ABCA12: variants seen among roughly 807,000 people sequenced by gnomAD.
ABCA12 encodes ATP binding cassette subfamily A member 12.
ABCA12 carries 156 observed loss-of-function variants against 293.5 expected under a neutral mutation model. The observed-to-expected ratio is 0.53, with a 90% CI of 0.47 to 0.61. The LOEUF (loss-of-function observed/expected upper bound fraction) is 0.61, where lower values mean the gene tolerates loss of function less well. Among genes scored for constraint, ABCA12 ranks in the 20% least tolerant of loss-of-function variants. The probability of loss-of-function intolerance (pLI) is 0.00; values close to 1 mark genes in which losing one functional copy is unlikely to be tolerated. For missense variants in ABCA12, 2,797 were observed against 3,090.2 expected, an observed-to-expected ratio of 0.91 and a Z score of 2.25; for synonymous variants, 1,063 against 1,108.0, an observed-to-expected ratio of 0.96 and a Z score of 0.81.
intron 39 of ABCA12, among the ~76,000 whole-genome samples, chr2:214,966,059 A>C (rs1207093011): frequency 1.3e-5 from 2 of 152,302 alleles, no homozygotes; most frequent in East Asian, 3.9e-4. Context: ...GCAGCCATAA[A>C]AAGGAACGAG....
intron 2 of ABCA12, among the ~76,000 whole-genome samples, chr2:215,083,721 T>G (rs1701987153): frequency 6.6e-6 from 1 of 152,012 alleles, no homozygotes; most frequent in Admixed American, 6.6e-5. Flanking sequence ...TTCAGATGGG[T>G]ATACCAAGGC....
At chr2:215,101,905 T>C (rs1261475686) in intron 2 of ABCA12, among the ~76,000 whole-genome samples, 1 of 152,176 alleles carries the variant, frequency 6.6e-6, no homozygotes, top group Non-Finnish European at 1.5e-5. Flanking sequence ...GTGGAAGTCT[T>C]AACTCCAGAA....
intron 1 of ABCA12, among the ~76,000 whole-genome samples, chr2:215,126,300 C>T (rs1480396768): frequency 6.6e-6 from 1 of 152,070 alleles, no homozygotes; most frequent in African/African-American, 2.4e-5. Flanking sequence ...TAAGATGATG[C>T]TGACTTCATA....
chr2:215,019,685 T>C lies in ABCA12; in HGVS notation c.1399A>G (p.Ser467Gly). Residue 467 changes from serine to glycine, a missense_variant, in exon 12 of 53, where the codon AGT becomes GGT. Ser to Gly is a moderately conservative substitution (Grantham distance 56). This residue lies in a region of ABCA12 where 656 missense variants were observed against 638.2 expected (regional missense o/e 1.03). Transcript: ENST00000272895. Reference protein sequence around the residue: ...DMSFGSLCEESEFDLQLLEAA... With the variant: ...DMSFGSLCEEGEFDLQLLEAA... ...TCGAGGAGTTGCAGATCAAACTCACTTTCTTCACACAGGCTCCCAAAGCTC... is the reference window on the plus strand; with the variant it reads ...TCGAGGAGTTGCAGATCAAACTCACCTTCTTCACACAGGCTCCCAAAGCTC... 6.2e-7 allele frequency: 1 copy of C among 1,614,176 alleles called. No individual in the cohort carries two copies. The highest frequency in any genetic ancestry group is 8.5e-7 in the Non-Finnish European group (1 of 1,180,024).
chr2:215,062,927 G>A (rs1307785034), intron 3 of ABCA12, among the ~76,000 whole-genome samples: 1 of 151,968 alleles, frequency 6.6e-6, no homozygotes, highest in Admixed American at 6.6e-5. Context: ...AATGCAAAAA[G>A]GATAGAGAAA....
At chr2:215,128,300 T>A (rs1245477385) in intron 1 of ABCA12, among the ~76,000 whole-genome samples, 2 of 152,214 alleles carry the variant, frequency 1.3e-5, no homozygotes, top group African/African-American at 4.8e-5. Flanking sequence ...TTGTGATGAA[T>A]TTCCCAGGTG....
At chr2:215,047,543 T>C (rs528419367) in intron 6 of ABCA12, among the ~76,000 whole-genome samples, 37 of 152,310 alleles carry the variant, frequency 2.4e-4, no homozygotes, top group African/African-American at 8.4e-4. Flanking sequence ...AAGAACTCCC[T>C]ATTCAATAAA....
At chr2:215,096,083 C>T (rs532887680) in intron 2 of ABCA12, among the ~76,000 whole-genome samples, 10 of 152,242 alleles carry the variant, frequency 6.6e-5, no homozygotes, top group Middle Eastern at 3.4e-3. Context: ...GAAGCTCTGC[C>T]GTTTACCAGC....
chr2:214,955,444 G>T, intron 42 of ABCA12, 83 bp from the exon 43 acceptor site: 1 of 1,381,154 alleles, frequency 7.2e-7, no homozygotes, highest in Non-Finnish European at 1.0e-6. Flanking sequence ...CACTTTAGGA[G>T]GCTGAGGCAG....
At chr2:214,943,051 G>A in intron 49 of ABCA12, 34 bp from the exon 50 acceptor site, 1 of 1,573,592 alleles carries the variant, frequency 6.4e-7, no homozygotes, top group Non-Finnish European at 8.7e-7. Context: ...TTAGCATTCA[G>A]GATACAGAAA....
intron 1 of ABCA12, among the ~76,000 whole-genome samples, chr2:215,125,172 T>G (rs1702895984): frequency 6.6e-6 from 1 of 151,332 alleles, no homozygotes; most frequent in Admixed American, 6.6e-5. Flanking sequence ...GTGCCTATTT[T>G]TATACCACTA....
chr2:215,105,482 C>A (rs1702445300), intron 2 of ABCA12, among the ~76,000 whole-genome samples: 1 of 151,906 alleles, frequency 6.6e-6, no homozygotes, highest in Non-Finnish European at 1.5e-5. Context: ...TCTTGAAAGT[C>A]AGACAAAGAG....
intron 44 of ABCA12, among the ~76,000 whole-genome samples, chr2:214,953,443 T>A (rs1243469443): frequency 6.6e-6 from 1 of 152,240 alleles, no homozygotes; most frequent in African/African-American, 2.4e-5. Flanking sequence ...TCACTTTTTC[T>A]TAATCTTCTT....
chr2:215,001,452 A>C, intron 21 of ABCA12, 106 bp downstream of exon 21: 1 of 1,392,708 alleles, frequency 7.2e-7, no homozygotes, highest in Non-Finnish European at 1.0e-6. Flanking sequence ...AGAGGACCTA[A>C]GGACCCCCAC....
chr2:214,966,709 T>C, intron 39 of ABCA12, 139 bp downstream of exon 39: 2 of 778,950 alleles, frequency 2.6e-6, no homozygotes, highest in Non-Finnish European at 4.5e-6. Context: ...AGTTACTACT[T>C]CTAAACTCCT....
At chr2:215,002,252 A>G (rs193235300) in intron 20 of ABCA12, among the ~76,000 whole-genome samples, 131 of 152,304 alleles carry the variant, frequency 8.6e-4, no homozygotes, top group Middle Eastern at 3.4e-3. Flanking sequence ...TATGCCACAT[A>G]GTTGTGAGTT....
At chr2:215,093,044 A>G (rs1349390596) in intron 2 of ABCA12, among the ~76,000 whole-genome samples, 1 of 151,994 alleles carries the variant, frequency 6.6e-6, no homozygotes, top group Non-Finnish European at 1.5e-5. Context: ...CAATATTTTG[A>G]CCACCTTCAA....
chr2:215,127,938 C>T (rs1413431281), intron 1 of ABCA12, among the ~76,000 whole-genome samples: 1 of 151,974 alleles, frequency 6.6e-6, no homozygotes, highest in African/African-American at 2.4e-5. Context: ...GATGTGTTTC[C>T]AGGATTTGTT....
At chr2:214,985,833 G>A (rs1048062388) in intron 28 of ABCA12, among the ~76,000 whole-genome samples, 3 of 152,192 alleles carry the variant, frequency 2.0e-5, no homozygotes, top group African/African-American at 7.2e-5. Flanking sequence ...GCAACTAAGT[G>A]AATATGGAGC....
Sources: allele counts gnomAD v4.1 joint callset (sites outside exome capture counted in the v4.1 genomes callset), GRCh38; gene constraint gnomAD v4.1.1; regional missense constraint gnomAD v4.1.1; transcripts MANE v1.5; gene names NCBI Gene and HGNC (gene_info 2026-07-23, HGNC 2026-07-21).